LYN: variants seen among roughly 807,000 people sequenced by gnomAD.
The protein encoded by LYN is tyrosine-protein kinase Lyn.
Under a neutral mutation model 65.0 loss-of-function variants are expected in LYN, and 12 were observed. The observed-to-expected ratio is 0.18, with a 90% CI of 0.12 to 0.30. The LOEUF is 0.30. LYN is among the 10% of genes least tolerant of loss of function. The pLI is 1.00. For missense variants in LYN, 380 were observed against 623.2 expected (o/e 0.61, Z 4.16); for synonymous variants, 222 against 221.2 (o/e 1.00, Z -0.03).
chr8:55,975,697 A>G (rs1807732710), intron 10 of LYN, among the ~76,000 whole-genome samples: 2 of 152,206 alleles, frequency 1.3e-5, no homozygotes, highest in Admixed American at 1.3e-4. Context: ...GGACAAATGA[A>G]ACTAGTTACT....
chr8:56,001,057 G>A (rs189588998), intron 12 of LYN, among the ~76,000 whole-genome samples: 1 of 152,190 alleles, frequency 6.6e-6, no homozygotes, highest in East Asian at 1.9e-4. Context: ...ACTCACAGAA[G>A]GGGGTGGGGA....
At chr8:55,919,266 G>GA (rs796307940) in intron 1 of LYN, among the ~76,000 whole-genome samples, 68 of 152,260 alleles carry the variant, frequency 4.5e-4, no homozygotes, top group African/African-American at 1.6e-3. Context: ...GAAAAGAAGA[G>GA]AAAGAGTGGA....
intron 12 of LYN, among the ~76,000 whole-genome samples, 174 bp downstream of exon 12, chr8:55,999,723 G>A (rs1268260179): frequency 6.6e-6 from 1 of 152,202 alleles, no homozygotes; most frequent in East Asian, 1.9e-4. Context: ...TGTAATCCCA[G>A]CACTTTGGGA....
intron 10 of LYN, among the ~76,000 whole-genome samples, chr8:55,982,815 T>C (rs1190889615): frequency 6.6e-6 from 1 of 152,162 alleles, no homozygotes; most frequent in Non-Finnish European, 1.5e-5. Flanking sequence ...ATTGCTTCAT[T>C]TGATCGTTTC....
At position 55,935,643 on chromosome 8, in the gene LYN, G is replaced by A. The variant is rs147138204; in HGVS notation, c.-5-6212G>A. On this transcript the variant is annotated intron_variant, in intron 1 of 12. Transcript: ENST00000519728. Reference sequence around the variant, plus strand: ...ACAAAAATTAGCCATGCTTGGTGGCGGACGCCTGTAGTCCCCACTACTTGC... The same window carrying A: ...ACAAAAATTAGCCATGCTTGGTGGCAGACGCCTGTAGTCCCCACTACTTGC... Among the ~76,000 whole-genome samples, 559 of 152,108 alleles carry A rather than the reference G, an allele frequency of 3.7e-3. 3 individuals carry two copies. Among genetic ancestry groups the A allele is most frequent in the African/African-American group, 0.012 (501 of 41,504 alleles).
chr8:55,899,622 C>T lies in LYN; in HGVS notation c.-6+19519C>T, dbSNP rs565243230. 7.3e-4 allele frequency among the ~76,000 whole-genome samples: 111 copies of T among 152,230 alleles called. 1 individual carries two copies. The highest frequency in any genetic ancestry group is 2.6e-3 in the African/African-American group (108 of 41,554). On this transcript the variant is annotated intron_variant, in intron 1 of 12. Coordinates refer to ENST00000519728, the MANE Select transcript of LYN (RefSeq NM_002350.4). ...TTATAACAAGTGTGTGAAGTTGGTA[C>T]AGTTATCATCCCTTTTCTTTTCTTT...
intron 10 of LYN, among the ~76,000 whole-genome samples, chr8:55,982,064 G>C (rs1256228799): frequency 6.6e-6 from 1 of 152,178 alleles, no homozygotes; most frequent in Non-Finnish European, 1.5e-5. Flanking sequence ...CTCAGCACCT[G>C]TTGGCAGAGG....
At chr8:55,933,582 G>T (rs546771506) in intron 1 of LYN, among the ~76,000 whole-genome samples, 5 of 152,324 alleles carry the variant, frequency 3.3e-5, no homozygotes, top group African/African-American at 1.2e-4. Flanking sequence ...GCCAAGCCCA[G>T]TGATTTCATT....
chr8:55,940,794 G>A (rs942635261), intron 1 of LYN, among the ~76,000 whole-genome samples: 1 of 152,170 alleles, frequency 6.6e-6, no homozygotes, highest in Non-Finnish European at 1.5e-5. Flanking sequence ...GCCGTCCTGC[G>A]TTAATGGAAT....
chr8:55,985,452 A>G (rs1402837313), intron 10 of LYN, among the ~76,000 whole-genome samples: 2 of 152,238 alleles, frequency 1.3e-5, no homozygotes, highest in Non-Finnish European at 2.9e-5. Flanking sequence ...GAGGATAGCA[A>G]ATCTGTTTCA....
At chr8:55,976,627 G>A (rs1474689765) in intron 10 of LYN, among the ~76,000 whole-genome samples, 2 of 152,182 alleles carry the variant, frequency 1.3e-5, no homozygotes, top group East Asian at 1.9e-4. Flanking sequence ...GGCTGTCAGA[G>A]TGGGCACCGC....
intron 8 of LYN, among the ~76,000 whole-genome samples, chr8:55,963,171 ACATTTTTGTGCCT>A (rs1213313361): frequency 6.6e-6 from 1 of 152,248 alleles, no homozygotes; most frequent in African/African-American, 2.4e-5. Context: ...AATGCGCTGC[ACATTTTTGTGCCT>A]CATTTTTGTG....
Position 55,953,920 on chromosome 8 carries a change from C to T in LYN, c.726C>T (p.Ile242=), listed in dbSNP as rs757916294. The part of the protein sequence containing the change: ...QKPWDKDAWE[I]PRESIKLVKR... The stretch of plus-strand genomic sequence containing the variant: ...CATGGGATAAAGATGCCTGGGAGAT[C>T]CCCCGGGAGTCCATCAAGTTGGTGA... The change falls in exon 8 of 13, where the codon ATC becomes ATT. Residue 242 remains isoleucine (I), a synonymous_variant. Coordinates refer to ENST00000519728, the MANE Select transcript of LYN (RefSeq NM_002350.4). 2.5e-6 allele frequency: 4 copies of T among 1,614,024 alleles called. No individual in the cohort carries two copies. The Admixed American group carries it at 5.0e-5, about 20-fold the overall frequency.
Position 56,010,126 on chromosome 8 carries a change from G to A in LYN, c.*16G>A, listed in dbSNP as rs748034542. Reference sequence around the variant, plus strand: ...GCAGCCTTAGAGCACAGGGAGACCCGTCCATTTGGCAGGGGTGGCTGCCTC... The same window carrying A: ...GCAGCCTTAGAGCACAGGGAGACCCATCCATTTGGCAGGGGTGGCTGCCTC... On this transcript the variant is annotated 3_prime_UTR_variant, in exon 13 of 13. Coordinates refer to ENST00000519728, the MANE Select transcript of LYN (RefSeq NM_002350.4). 35 of 1,613,190 alleles carry A rather than the reference G, an allele frequency of 2.2e-5. No individual in the cohort carries two copies. The highest frequency in any genetic ancestry group is 1.2e-4 in the South Asian group (11 of 90,988).
In LYN at chr8:55,947,724, G is replaced by A; in HGVS notation, c.284+1G>A. 6.2e-7 allele frequency: 1 copy of A among 1,607,584 alleles called. No homozygotes were observed. The highest frequency in any genetic ancestry group is 8.5e-7 in the Non-Finnish European group (1 of 1,174,216). On this transcript the variant is annotated splice_donor_variant, in intron 4 of 12. Coordinates refer to ENST00000519728, the MANE Select transcript of LYN (RefSeq NM_002350.4). LOFTEE classifies it high-confidence loss of function. ...GAGAGAAGATGAAAGTCCTGGAGGA[G>A]TAAGTGCTCTCAAGCACGCCACGGC...
intron 1 of LYN, among the ~76,000 whole-genome samples, chr8:55,888,654 G>A (rs1804867923): frequency 6.6e-6 from 1 of 152,112 alleles, no homozygotes; most frequent in Non-Finnish European, 1.5e-5. Flanking sequence ...GCTTGTAATC[G>A]TCATCTGCAA....
Position 55,887,717 on chromosome 8 carries a change from C to T in LYN, c.-6+7614C>T, listed in dbSNP as rs374056232. On this transcript the variant is annotated intron_variant, in intron 1 of 12. Coordinates refer to ENST00000519728, the MANE Select transcript of LYN (RefSeq NM_002350.4). Reference sequence around the variant, plus strand: ...CTCCACCTCCCGGGTTCAAGTGATTCCTGTGCTTCAGCCTCCTGAGTAGCT... The same window carrying T: ...CTCCACCTCCCGGGTTCAAGTGATTTCTGTGCTTCAGCCTCCTGAGTAGCT... Among the ~76,000 whole-genome samples the T allele has an allele frequency of 3.4e-4, 51 of 151,550 alleles. 2 individuals carry two copies. In the South Asian group the frequency reaches 9.2e-3, roughly 27 times the overall value.
intron 10 of LYN, among the ~76,000 whole-genome samples, chr8:55,978,490 C>A (rs1044571732): frequency 6.6e-6 from 1 of 152,126 alleles, no homozygotes; most frequent in Non-Finnish European, 1.5e-5. Flanking sequence ...GGGCAGCTAG[C>A]GTGGACAGGC....
At chr8:55,936,503 G>A (rs974522812) in intron 1 of LYN, among the ~76,000 whole-genome samples, 15 of 152,180 alleles carry the variant, frequency 9.9e-5, no homozygotes, top group African/African-American at 3.4e-4. Flanking sequence ...AGCCAGGTGT[G>A]GTGGTGGGCA....
Sources: gnomAD v4.1 joint callset for allele counts (sites outside exome capture counted in the v4.1 genomes callset) on GRCh38, gnomAD v4.1.1 for gene constraint, MANE v1.5 for transcripts, NCBI Gene and HGNC (gene_info 2026-07-23, HGNC 2026-07-21) for gene names.